The following PLA2G4D variants were observed in gnomAD, a reference collection of about 807,000 sequenced individuals.
PLA2G4D encodes the protein cytosolic phospholipase A2 delta.
Under a neutral mutation model 94.4 loss-of-function variants are expected in PLA2G4D, and 80 were observed. The ratio of observed to expected loss-of-function variants is 0.85; its 90% CI spans 0.71 to 1.02. PLA2G4D has a LOEUF of 1.02. Among genes scored for constraint, PLA2G4D ranks in the 50% least tolerant of loss-of-function variants. The pLI is 0.00. For missense variants in PLA2G4D, 1,050 were observed against 1,034.7 expected, an observed-to-expected ratio of 1.01 and a Z score of -0.20; for synonymous variants, 438 against 440.9, an observed-to-expected ratio of 0.99 and a Z score of 0.08.
intron 16 of PLA2G4D, 60 bp from the exon 17 acceptor site, chr15:42,071,377 C>G (rs1477137876): frequency 6.4e-7 from 1 of 1,568,616 alleles, no homozygotes; most frequent in African/African-American, 1.4e-5. Flanking sequence ...CCTCAGACAC[C>G]GCACACCGCA....
rs1890174229 is a variant in PLA2G4D at position 42,087,546 on chromosome 15, A to G, written c.118+82T>C. On this transcript the variant is annotated intron_variant, in intron 2 of 19. Coordinates refer to ENST00000290472, the MANE Select transcript of PLA2G4D (RefSeq NM_178034.4). ...GCGGTCACCGCAGGTGACCCAGCCCAGCCCCAGGGCACTCGTCTTGGCCCT... is the reference window on the plus strand; with the variant it reads ...GCGGTCACCGCAGGTGACCCAGCCCGGCCCCAGGGCACTCGTCTTGGCCCT... 12 of 1,604,720 alleles carry G rather than the reference A, an allele frequency of 7.5e-6. No individual in the cohort carries two copies. In the South Asian group the frequency reaches 1.3e-4, roughly 18 times the overall value.
chr15:42,079,490 C>G, intron 13 of PLA2G4D, 47 bp downstream of exon 13: 4 of 1,531,532 alleles, frequency 2.6e-6, no homozygotes, highest in Non-Finnish European at 3.5e-6. Context: ...CTGCCTTCGC[C>G]CCCGCGGTGC....
chr15:42,086,117 C>G, intron 4 of PLA2G4D, 96 bp downstream of exon 4: 1 of 1,351,592 alleles, frequency 7.4e-7, no homozygotes, highest in South Asian at 1.4e-5. Context: ...TGAGTTCACC[C>G]CAGCAGCCTC....
At position 42,069,065 on chromosome 15, in the gene PLA2G4D, T is replaced by C. The variant is rs535376987; in HGVS notation, c.2231-124A>G. On this transcript the variant is annotated intron_variant, in intron 19 of 19. Coordinates refer to ENST00000290472, the MANE Select transcript of PLA2G4D (RefSeq NM_178034.4). ...GCTTTCCTCCCAGCTCTCTGTGTCC[T>C]TTGCCCAGGAATGTAAATGTGGGTG... 29 of 772,564 alleles carry C rather than the reference T, an allele frequency of 3.8e-5. No homozygotes were observed. The South Asian group carries it at 5.2e-4, about 14-fold the overall frequency. The allele number at this position is 772,564 out of a possible 1,614,324, so 47.9% of individuals were successfully genotyped here.
At chr15:42,080,545 T>C (rs1469078967) in intron 12 of PLA2G4D, among the ~76,000 whole-genome samples, 1 of 152,122 alleles carries the variant, frequency 6.6e-6, no homozygotes, top group South Asian at 2.1e-4. Flanking sequence ...ATAATAACAA[T>C]GAAAGATAAA....
intron 5 of PLA2G4D, 42 bp downstream of exon 5, chr15:42,085,449 C>G: frequency 6.3e-7 from 1 of 1,588,696 alleles, no homozygotes; most frequent in Non-Finnish European, 8.6e-7. Context: ...TCCTCAGAGC[C>G]TGAGTCCTGA....
intron 1 of PLA2G4D, among the ~76,000 whole-genome samples, chr15:42,091,253 C>A (rs1401404845): frequency 6.6e-6 from 1 of 152,192 alleles, no homozygotes; most frequent in African/African-American, 2.4e-5. Context: ...AGATATAGAT[C>A]TTAGATACGA....
In PLA2G4D at chr15:42,071,327, G is replaced by C. The variant is rs1245748752; in HGVS notation, c.1682-10C>G. 5.7e-6 allele frequency: 9 copies of C among 1,574,132 alleles called. No homozygotes were observed. The African/African-American group carries it at 1.2e-4, about 22-fold the overall frequency. ...GTCAGGGGCTCCTTCTCTGAAGCCA[G>C]AGAAACAGAAATTGGTCCCTTCTTC... On this transcript the variant is annotated splice_polypyrimidine_tract_variant and intron_variant, in intron 16 of 19. Transcript: ENST00000290472.
rs189995087 is a variant in PLA2G4D, at chr15:42,072,904, C to T, written c.1318-512G>A. On this transcript the variant is annotated intron_variant, in intron 13 of 19. Transcript: ENST00000290472. Reference sequence around the variant, plus strand: ...ACATCCTTGCCTCCCCCTCATCGTCCCTCTTCTTTCTTGCTTTGCATAACA... The same window carrying T: ...ACATCCTTGCCTCCCCCTCATCGTCTCTCTTCTTTCTTGCTTTGCATAACA... Among the ~76,000 whole-genome samples, 224 of 152,300 alleles carry T rather than the reference C, an allele frequency of 1.5e-3. 2 individuals are homozygous for T. Among genetic ancestry groups the T allele is most frequent in the African/African-American group, 5.1e-3 (213 of 41,548 alleles).
Position 42,070,115 on chromosome 15 carries a change from C to T in PLA2G4D, c.2044-20G>A. ...CAGTGCCTGGTGGGGAGAAGGTGGC[C>T]CGGAGAGAACCAGCCCGGCCCAGGT... On this transcript the variant is annotated intron_variant, in intron 18 of 19. Transcript: ENST00000290472. 2 of 1,478,858 alleles carry T rather than the reference C, an allele frequency of 1.4e-6. No individual in the cohort carries two copies. Among genetic ancestry groups the T allele is most frequent in the Non-Finnish European group, 1.8e-6 (2 of 1,121,486 alleles). 91.6% of individuals were successfully genotyped at this position (1,478,858 alleles called of 1,614,324 possible).
Position 42,080,752 on chromosome 15 carries a change from T to G in PLA2G4D, c.1094+245A>C, listed in dbSNP as rs534895836. 3.9e-5 allele frequency among the ~76,000 whole-genome samples: 6 copies of G among 152,322 alleles called. No individual in the cohort carries two copies. The East Asian group carries it at 1.2e-3, about 29-fold the overall frequency. ...GGTGCTGCCAGGACTCAAATCCAGC[T>G]GCATCTGAGTCAGCTACCTCACAGC... On this transcript the variant is annotated intron_variant, in intron 12 of 19. Transcript: ENST00000290472.
In PLA2G4D at chr15:42,086,195, C is replaced by CCT; in HGVS notation, c.387+17_387+18insAG. On this transcript the variant is annotated intron_variant, in intron 4 of 19. Coordinates refer to ENST00000290472, the MANE Select transcript of PLA2G4D (RefSeq NM_178034.4). Reference sequence around the variant, plus strand: ...GAAGAAGTGGGGCCCACGGGGACTTCCCCACCCACCCACCCACCTGGGGAC... The same window carrying CCT: ...GAAGAAGTGGGGCCCACGGGGACTTCCTCCCACCCACCCACCCACCTGGGGAC... The CCT allele has an allele frequency of 1.1e-4, 40 of 361,590 alleles. No homozygotes were observed. The highest frequency in any genetic ancestry group is 2.1e-3 in the Middle Eastern group (2 of 934). The allele number at this position is 361,590 out of a possible 1,614,324, so 22.4% of individuals were successfully genotyped here.
chr15:42,076,257 A>T (rs1339801379), intron 13 of PLA2G4D, among the ~76,000 whole-genome samples: 1 of 152,240 alleles, frequency 6.6e-6, no homozygotes, highest in Non-Finnish European at 1.5e-5. Flanking sequence ...TTAATGTGAG[A>T]AAAAACAAAA....
At position 42,071,803 on chromosome 15, in the gene PLA2G4D, ATCC is replaced by A. The variant is rs1889825558; in HGVS notation, c.1541_1543del (p.Arg514del). 1 of 1,614,084 alleles carries A rather than the reference ATCC, an allele frequency of 6.2e-7. No homozygotes were observed. Among genetic ancestry groups the A allele is most frequent in the Non-Finnish European group, 8.5e-7 (1 of 1,180,008 alleles). On this transcript the variant is annotated inframe_deletion, in exon 15 of 20. Transcript: ENST00000290472. ...CAGAAAGCAGATCCGGGGCTCCGGG[ATCC>A]TCCTCATCAGCCGTCCCATGAAGAA... is the stretch of plus-strand genomic sequence containing the variant.
At chr15:42,071,381 C>T (rs1566860138) in intron 16 of PLA2G4D, 63 bp downstream of exon 16, 1 of 1,568,334 alleles carries the variant, frequency 6.4e-7, no homozygotes, top group South Asian at 1.2e-5. Flanking sequence ...AGACACCGCA[C>T]ACCGCAAGCA....
At chr15:42,077,341 C>G (rs1224301587) in intron 13 of PLA2G4D, among the ~76,000 whole-genome samples, 1 of 152,214 alleles carries the variant, frequency 6.6e-6, no homozygotes, top group Admixed American at 6.5e-5. Flanking sequence ...CGACAAAATA[C>G]TATCATACGA....
In PLA2G4D at chr15:42,087,410, G is replaced by A. The variant is rs754460446; in HGVS notation, c.145C>T (p.Leu49=). ...LLSEADPYVI[L]QLSTAPGMKF... ...ATTCCAGGTGCGGTCGACAGCTGTA[G>A]GATCACGTAAGGGTCGGCCTCACTC... The change falls in exon 3 of 20, where the codon CTA becomes TTA. Residue 49 remains leucine, a synonymous_variant. Coordinates refer to ENST00000290472, the MANE Select transcript of PLA2G4D (RefSeq NM_178034.4). 1 of 1,614,172 alleles carries A rather than the reference G, an allele frequency of 6.2e-7. No individual in the cohort carries two copies. Among genetic ancestry groups the A allele is most frequent in the South Asian group, 1.1e-5 (1 of 91,090 alleles).
At chr15:42,070,164 A>G (rs1889775753) in intron 18 of PLA2G4D, 69 bp from the exon 19 acceptor site, 3 of 1,342,030 alleles carry the variant, frequency 2.2e-6, no homozygotes, top group Non-Finnish European at 9.8e-7. Context: ...GTTCCAGCCC[A>G]CACCAGCTGC....
intron 1 of PLA2G4D, among the ~76,000 whole-genome samples, chr15:42,089,160 G>T (rs532126998): frequency 1.0e-3 from 152 of 152,260 alleles, no homozygotes; most frequent in African/African-American, 3.2e-3. Flanking sequence ...CGCATAGCTG[G>T]GAGACTGTTG....
Sources: gnomAD v4.1 joint callset for allele counts (sites outside exome capture counted in the v4.1 genomes callset) on GRCh38, gnomAD v4.1.1 for gene constraint, MANE v1.5 for transcripts, NCBI Gene and HGNC (gene_info 2026-07-23, HGNC 2026-07-21) for gene names.